OBP2B: variants seen among roughly 807,000 people sequenced by gnomAD.
OBP2B encodes odorant-binding protein 2b.
OBP2B carries 10 observed loss-of-function variants against 21.7 expected under a neutral mutation model. That is an observed-to-expected ratio of 0.46 (90% CI 0.28 to 0.78). The LOEUF (loss-of-function observed/expected upper bound fraction) is 0.78, where lower values mean the gene tolerates loss of function less well. Ranked by LOEUF, OBP2B falls within the 30% of genes least tolerant of loss-of-function variation. OBP2B has a pLI of 0.11. For synonymous variants in OBP2B, 73 were observed against 91.5 expected (o/e 0.80, Z 1.16); for missense variants, 153 against 217.7 (o/e 0.70, Z 1.87).
At chr9:133,218,336 G>A in the OBP2B span, among the ~76,000 whole-genome samples, 3 of 152,344 alleles carry the variant, frequency 2.0e-5, no homozygotes, top group East Asian at 5.8e-4. Flanking sequence ...TAGGGATTAA[G>A]GACCACCACG....
upstream of OBP2B, among the ~76,000 whole-genome samples, chr9:133,213,439 AAATC>A (rs1304006274): frequency 7.2e-5 from 11 of 152,364 alleles, no homozygotes; most frequent in East Asian, 1.9e-4. Context: ...AGCAATTAAT[AAATC>A]AAAAGCAGAA....
At chr9:133,219,101 C>T in the OBP2B span, among the ~76,000 whole-genome samples, 1 of 152,208 alleles carries the variant, frequency 6.6e-6, no homozygotes, top group African/African-American at 2.4e-5. Context: ...TGAGGTGGGA[C>T]CTCACGCCAC....
At chr9:133,213,661 G>A (rs1360698109), upstream of OBP2B, among the ~76,000 whole-genome samples, 1 of 152,152 alleles carries the variant, frequency 6.6e-6, no homozygotes, top group Non-Finnish European at 1.5e-5. Flanking sequence ...GGAATACTAC[G>A]AAGAGACCTT....
At chr9:133,218,633 C>T in the OBP2B span, among the ~76,000 whole-genome samples, 1 of 152,202 alleles carries the variant, frequency 6.6e-6, no homozygotes, top group African/African-American at 2.4e-5. Context: ...AAACTGGACA[C>T]AGACAGCGCA....
chr9:133,213,366 C>T (rs1833939561), upstream of OBP2B, among the ~76,000 whole-genome samples: 1 of 151,946 alleles, frequency 6.6e-6, no homozygotes, highest in South Asian at 2.1e-4. Context: ...ACTTCAAGAA[C>T]CTAGAAAAAG....
At chr9:133,216,496 A>C in the OBP2B span, among the ~76,000 whole-genome samples, 1 of 150,684 alleles carries the variant, frequency 6.6e-6, no homozygotes, top group African/African-American at 2.5e-5. Flanking sequence ...AAAAAAAAAA[A>C]CCCTGCAACA....
At chr9:133,214,693 C>T in the OBP2B span, among the ~76,000 whole-genome samples, 10 of 152,142 alleles carry the variant, frequency 6.6e-5, no homozygotes, top group South Asian at 2.1e-4. Flanking sequence ...ATTAGATAAG[C>T]GAGCACTGCT....
At chr9:133,209,874 C>G (rs191146860), upstream of OBP2B, among the ~76,000 whole-genome samples, 5,171 of 152,236 alleles carry the variant, frequency 0.034, 304 homozygotes, top group African/African-American at 0.12. This position sits in a 1 kb window ranked among gnomAD's most constrained non-coding sequence, Gnocchi z 6.0. Context: ...CCCGCCGCCT[C>G]CCCGACCCCG....
At chr9:133,221,991 C>A in the OBP2B span, among the ~76,000 whole-genome samples, 1 of 152,152 alleles carries the variant, frequency 6.6e-6, no homozygotes, top group African/African-American at 2.4e-5. Context: ...TCCTCCTTTG[C>A]GTGAGGAGAT....
chr9:133,222,259 G>A, the OBP2B span, among the ~76,000 whole-genome samples: 1 of 152,210 alleles, frequency 6.6e-6, no homozygotes, highest in African/African-American at 2.4e-5. Context: ...GCATCCCTGG[G>A]GTGGCCCCAG....
At chr9:133,220,703 G>A in the OBP2B span, among the ~76,000 whole-genome samples, 1 of 152,208 alleles carries the variant, frequency 6.6e-6, no homozygotes, top group Admixed American at 6.5e-5. Flanking sequence ...CCTCATCCCT[G>A]GCCCTGTGGA....
chr9:133,219,935 C>T, the OBP2B span, among the ~76,000 whole-genome samples: 2 of 152,274 alleles, frequency 1.3e-5, no homozygotes, highest in Middle Eastern at 3.4e-3. Context: ...AAATATTATT[C>T]TGTCATAAAA....
chr9:133,207,390 T>C (rs1488970054), intron 3 of OBP2B, 54 bp from the exon 4 acceptor site: 2 of 1,208,456 alleles, frequency 1.7e-6, no homozygotes, highest in Non-Finnish European at 2.4e-6. Context: ...CGGGGCCACA[T>C]GAAGAAACAC....
At chr9:133,208,942 G>T (rs566728228) in intron 1 of OBP2B, among the ~76,000 whole-genome samples, 186 bp downstream of exon 1, 6 of 152,106 alleles carry the variant, frequency 3.9e-5, no homozygotes, top group Non-Finnish European at 4.4e-5. Flanking sequence ...AGCCTGCTCC[G>T]GCCCTGGGCC....
At chr9:133,216,716 T>C in the OBP2B span, among the ~76,000 whole-genome samples, 1 of 151,734 alleles carries the variant, frequency 6.6e-6, no homozygotes, top group Middle Eastern at 3.4e-3. Flanking sequence ...AATGCAACAA[T>C]GGGATGAATC....
the OBP2B span, among the ~76,000 whole-genome samples, chr9:133,215,406 T>C: frequency 6.6e-6 from 1 of 152,160 alleles, no homozygotes; most frequent in South Asian, 2.1e-4. Context: ...TTTGTAGACA[T>C]AGACAAGATT....
upstream of OBP2B, among the ~76,000 whole-genome samples, chr9:133,214,111 C>T (rs1225265652): frequency 9.2e-5 from 14 of 152,234 alleles, no homozygotes; most frequent in African/African-American, 3.1e-4. Context: ...AGAAAAATTA[C>T]ATGATCATAT....
rs1833714739 is a variant in OBP2B at position 133,206,425 on chromosome 9, G to C, written c.389-9C>G. The stretch of plus-strand genomic sequence containing the variant: ...GGTATCAGAATTCCTACCTGCAGGT[G>C]AGGTGGCCAGGTGAGCCGACGTGGG... On this transcript the variant is annotated splice_polypyrimidine_tract_variant and intron_variant, in intron 4 of 6. Coordinates refer to ENST00000372034, the MANE Select transcript of OBP2B (RefSeq NM_014581.4). 1.9e-6 allele frequency: 3 copies of C among 1,613,478 alleles called. No individual in the cohort carries two copies. The highest frequency in any genetic ancestry group is 2.5e-6 in the Non-Finnish European group (3 of 1,179,600).
chr9:133,212,425 T>C (rs1392260698), upstream of OBP2B, among the ~76,000 whole-genome samples: 1 of 152,192 alleles, frequency 6.6e-6, no homozygotes, highest in Admixed American at 6.5e-5. Context: ...ATATCCTGGA[T>C]GAGAAAATGA....
Sources: gnomAD v4.1 joint callset for allele counts (sites outside exome capture counted in the v4.1 genomes callset) on GRCh38, gnomAD v4.1.1 for gene constraint, Gnocchi (gnomAD v3.1) non-coding constraint, MANE v1.5 for transcripts, NCBI Gene and HGNC (gene_info 2026-07-23, HGNC 2026-07-21) for gene names.